NALF1: variants seen among roughly 807,000 people sequenced by gnomAD.
NALF1 encodes family with sequence similarity 155 member A.
NALF1 carries 3 observed loss-of-function variants against 48.4 expected under a neutral mutation model. That is an observed-to-expected ratio of 0.06 (90% confidence interval 0.03 to 0.16). NALF1 has a LOEUF of 0.16. Among genes scored for constraint, NALF1 ranks in the 10% least tolerant of loss-of-function variants. NALF1 has a pLI of 1.00. For missense variants in NALF1, 526 were observed against 571.5 expected (o/e 0.92, Z 0.81); for synonymous variants, 262 against 245.7 (o/e 1.07, Z -0.62).
At chr13:107,319,847 G>A (rs1882220157) in intron 1 of NALF1, among the ~76,000 whole-genome samples, 1 of 152,078 alleles carries the variant, frequency 6.6e-6, no homozygotes, top group African/African-American at 2.4e-5. Flanking sequence ...GAGCTTCTAA[G>A]ATGATGCTTG....
At chr13:107,299,330 C>G (rs1361006010) in intron 1 of NALF1, among the ~76,000 whole-genome samples, 1 of 151,818 alleles carries the variant, frequency 6.6e-6, no homozygotes, top group Non-Finnish European at 1.5e-5. Context: ...ATTCGGGAGG[C>G]TGAGGCAGGA....
chr13:107,513,841 G>T (rs1875972136), intron 1 of NALF1, among the ~76,000 whole-genome samples: 1 of 152,208 alleles, frequency 6.6e-6, no homozygotes, highest in African/African-American at 2.4e-5. Flanking sequence ...TGCAAGAAAG[G>T]TCTCTGCCCG....
intron 1 of NALF1, among the ~76,000 whole-genome samples, chr13:107,232,679 G>A (rs1423144361): frequency 1.3e-5 from 2 of 152,050 alleles, no homozygotes; most frequent in Admixed American, 1.3e-4. Flanking sequence ...AAATGATGAG[G>A]CACTTGCTTG....
At chr13:107,539,666 A>G (rs1158516341) in intron 1 of NALF1, among the ~76,000 whole-genome samples, 1 of 152,156 alleles carries the variant, frequency 6.6e-6, no homozygotes, top group African/African-American at 2.4e-5. Flanking sequence ...AATACACAAA[A>G]TATTTTATAT....
At chr13:107,224,383 G>C (rs2138818484) in intron 1 of NALF1, among the ~76,000 whole-genome samples, 1 of 150,240 alleles carries the variant, frequency 6.7e-6, no homozygotes, top group South Asian at 2.1e-4. Context: ...ATATGTCATT[G>C]TATATACAAA....
intron 1 of NALF1, among the ~76,000 whole-genome samples, chr13:107,411,247 G>A (rs926443271): frequency 2.0e-5 from 3 of 151,898 alleles, no homozygotes; most frequent in Non-Finnish European, 4.4e-5. Context: ...TTCTTCTCCT[G>A]GGAATGCCTT....
At position 107,274,138 on chromosome 13, in the gene NALF1, C is replaced by T. The variant is rs190069166; in HGVS notation, c.916-63383G>A. ...TGAAATTGCAGTTTTTAAATAGAAC[C>T]CCACCAGTGACTATGCAAATGGGAG... On this transcript the variant is annotated intron_variant, in intron 1 of 2. Coordinates refer to ENST00000375915, the MANE Select transcript of NALF1 (RefSeq NM_001080396.3). Among the ~76,000 whole-genome samples the T allele has an allele frequency of 3.3e-5, 5 of 152,042 alleles. No individual in the cohort carries two copies. In the East Asian group the frequency reaches 9.7e-4, roughly 29 times the overall value.
chr13:107,512,429 T>C (rs1311873796), intron 1 of NALF1, among the ~76,000 whole-genome samples: 1 of 152,112 alleles, frequency 6.6e-6, no homozygotes, highest in Non-Finnish European at 1.5e-5. Flanking sequence ...TAGTTCAATA[T>C]CTAGACCTTG....
At chr13:107,843,721 C>T (rs1471649504) in intron 1 of NALF1, among the ~76,000 whole-genome samples, 2 of 152,146 alleles carry the variant, frequency 1.3e-5, no homozygotes, top group East Asian at 3.9e-4. Context: ...TACTGCCTTC[C>T]CTGGTATGGA....
At chr13:107,714,977 T>C (rs1049988539) in intron 1 of NALF1, among the ~76,000 whole-genome samples, 7 of 152,268 alleles carry the variant, frequency 4.6e-5, no homozygotes, top group Admixed American at 2.0e-4. Context: ...GAAGGGTTTT[T>C]TTTTGCATTT....
At chr13:107,566,217 CAAG>C (rs1432691965) in intron 1 of NALF1, among the ~76,000 whole-genome samples, 1 of 152,076 alleles carries the variant, frequency 6.6e-6, no homozygotes, top group Admixed American at 6.6e-5. Flanking sequence ...ATGTTACAGG[CAAG>C]GAGGGGTTTT....
intron 1 of NALF1, among the ~76,000 whole-genome samples, chr13:107,555,895 T>C (rs1877459195): frequency 6.6e-6 from 1 of 152,102 alleles, no homozygotes; most frequent in East Asian, 1.9e-4. Flanking sequence ...AAAAAGATAA[T>C]ATTTTGAGAA....
At chr13:107,336,183 C>T (rs1882551478) in intron 1 of NALF1, among the ~76,000 whole-genome samples, 1 of 151,914 alleles carries the variant, frequency 6.6e-6, no homozygotes, top group South Asian at 2.1e-4. Flanking sequence ...GAAACACTGT[C>T]CTCTATCAAA....
chr13:107,846,454 C>G (rs781024616), intron 1 of NALF1, among the ~76,000 whole-genome samples: 5 of 152,080 alleles, frequency 3.3e-5, no homozygotes, highest in Non-Finnish European at 7.4e-5. Flanking sequence ...ATTGATAGAC[C>G]CACCTGCCTT....
At chr13:107,462,101 A>C (rs1395542096) in intron 1 of NALF1, among the ~76,000 whole-genome samples, 2 of 152,138 alleles carry the variant, frequency 1.3e-5, no homozygotes, top group Non-Finnish European at 2.9e-5. Flanking sequence ...CTACTAAGGA[A>C]AGTTTTCTCT....
chr13:107,259,502 A>G (rs371780491), intron 1 of NALF1, among the ~76,000 whole-genome samples: 4 of 152,302 alleles, frequency 2.6e-5, no homozygotes, highest in African/African-American at 9.6e-5. Context: ...ATTGAGAGGC[A>G]TGAGGACATT....
intron 1 of NALF1, among the ~76,000 whole-genome samples, chr13:107,463,869 AATG>A (rs1377038645): frequency 6.6e-5 from 10 of 152,220 alleles, no homozygotes; most frequent in Non-Finnish European, 1.2e-4. Context: ...TGCTTGATAT[AATG>A]ATAAGGAAGG....
chr13:107,573,450 C>A (rs1878047991), intron 1 of NALF1, among the ~76,000 whole-genome samples: 2 of 152,066 alleles, frequency 1.3e-5, no homozygotes, highest in African/African-American at 2.4e-5. Context: ...ACCAAATATA[C>A]CTCTCTTCTT....
At chr13:107,230,313 G>T (rs1192901688) in intron 1 of NALF1, among the ~76,000 whole-genome samples, 1 of 151,994 alleles carries the variant, frequency 6.6e-6, no homozygotes, top group East Asian at 1.9e-4. Flanking sequence ...CTCATAAAAG[G>T]TAGGGCACCT....
Sources: allele counts gnomAD v4.1 joint callset (sites outside exome capture counted in the v4.1 genomes callset), GRCh38; gene constraint gnomAD v4.1.1; transcripts MANE v1.5; gene names NCBI Gene and HGNC (gene_info 2026-07-23, HGNC 2026-07-21).